The following DGKI variants were observed in gnomAD, a reference collection of about 807,000 sequenced individuals.
DGKI encodes DAG kinase iota.
Under a neutral mutation model 147.5 loss-of-function variants are expected in DGKI, and 55 were observed. The ratio of observed to expected loss-of-function variants is 0.37; its 90% CI spans 0.30 to 0.47. The LOEUF (loss-of-function observed/expected upper bound fraction) is 0.47. DGKI is among the 20% of genes least tolerant of loss of function. The pLI is 1.00. For synonymous variants in DGKI, 469 were observed against 477.1 expected (o/e 0.98, Z 0.22); for missense variants, 1,007 against 1,323.8 (o/e 0.76, Z 3.71).
At chr7:137,820,258 C>G (rs1428247863) in intron 1 of DGKI, among the ~76,000 whole-genome samples, 1 of 152,188 alleles carries the variant, frequency 6.6e-6, no homozygotes, top group Non-Finnish European at 1.5e-5. Flanking sequence ...AATCTCACAG[C>G]AGGAGGCCCC....
At chr7:137,604,934 C>T (rs915559664) in intron 10 of DGKI, among the ~76,000 whole-genome samples, 1 of 152,116 alleles carries the variant, frequency 6.6e-6, no homozygotes, top group Non-Finnish European at 1.5e-5. Flanking sequence ...CTCTAGTACT[C>T]GAAAGTTTCC....
rs749994106 is a variant in DGKI at position 137,381,888 on chromosome 7, T to A, written c.*9332A>T. On this transcript the variant is annotated 3_prime_UTR_variant, in exon 33 of 33. Coordinates refer to ENST00000614521, the MANE Select transcript of DGKI (RefSeq NM_001321708.2). Reference sequence around the variant, plus strand: ...CAAGAATCCAAACTTTCCCAACTTATAATCGGTAAGTCAGGGAGAGCATCA... The same window carrying A: ...CAAGAATCCAAACTTTCCCAACTTAAAATCGGTAAGTCAGGGAGAGCATCA... The A allele has an allele frequency of 6.6e-6, 1 of 152,132 alleles. No homozygotes were observed. 9.4% of individuals were successfully genotyped at this position (152,132 alleles called of 1,614,324 possible). A position where few individuals can be genotyped will look rare whatever the true frequency, so the allele number is the denominator to read the frequency against.
At chr7:137,832,499 CTT>C (rs1342596167) in intron 1 of DGKI, among the ~76,000 whole-genome samples, 1 of 152,242 alleles carries the variant, frequency 6.6e-6, no homozygotes, top group Non-Finnish European at 1.5e-5. Flanking sequence ...ACCTTGGCCC[CTT>C]TTAGCTCTGG....
chr7:137,790,422 C>CAAA (rs1299193886), intron 1 of DGKI, among the ~76,000 whole-genome samples: 1 of 152,146 alleles, frequency 6.6e-6, no homozygotes, highest in African/African-American at 2.4e-5. Flanking sequence ...TATGGAATTT[C>CAAA]AAAAGCCAAA....
chr7:137,830,452 C>T (rs747807283), intron 1 of DGKI, among the ~76,000 whole-genome samples: 6 of 152,170 alleles, frequency 3.9e-5, no homozygotes, highest in Non-Finnish European at 7.3e-5. Context: ...GCATCCCAGA[C>T]TTGAAACCTG....
intron 1 of DGKI, among the ~76,000 whole-genome samples, chr7:137,721,420 T>C (rs1463084459): frequency 6.6e-6 from 1 of 152,150 alleles, no homozygotes; most frequent in African/African-American, 2.4e-5. Context: ...TCAATTTCTG[T>C]ACACCTCCCA....
At chr7:137,754,457 C>A (rs1795617711) in intron 1 of DGKI, among the ~76,000 whole-genome samples, 1 of 152,176 alleles carries the variant, frequency 6.6e-6, no homozygotes. Context: ...GTGACCAGCT[C>A]AGGGTTTCCC....
chr7:137,502,467 T>C (rs1267234735), intron 21 of DGKI, among the ~76,000 whole-genome samples: 1 of 149,024 alleles, frequency 6.7e-6, no homozygotes, highest in Non-Finnish European at 1.5e-5. Flanking sequence ...GATTACATGA[T>C]ATGAAAAAGG....
chr7:137,747,146 C>A (rs1323877919), intron 1 of DGKI, among the ~76,000 whole-genome samples: 3 of 151,952 alleles, frequency 2.0e-5, no homozygotes, highest in Non-Finnish European at 4.4e-5. Context: ...GGGATTAGAT[C>A]ACACCAATTT....
At chr7:137,509,274 C>T (rs1008140665) in intron 21 of DGKI, among the ~76,000 whole-genome samples, 5 of 151,914 alleles carry the variant, frequency 3.3e-5, no homozygotes, top group East Asian at 1.9e-4. Flanking sequence ...GGGAGTAATA[C>T]GGAAGACAAA....
At chr7:137,535,702 T>TTCTA (rs747130122) in intron 20 of DGKI, among the ~76,000 whole-genome samples, 235 of 152,266 alleles carry the variant, frequency 1.5e-3, no homozygotes, top group Non-Finnish European at 2.9e-3. Flanking sequence ...CATAAATAAT[T>TTCTA]CACCTCTAAA....
chr7:137,674,243 G>A (rs1435954751), intron 3 of DGKI, among the ~76,000 whole-genome samples: 2 of 152,192 alleles, frequency 1.3e-5, no homozygotes, highest in African/African-American at 4.8e-5. Flanking sequence ...CCAGAGAGCT[G>A]TAGAACAGGA....
chr7:137,691,528 A>C (rs1270072658), intron 1 of DGKI, among the ~76,000 whole-genome samples: 1 of 152,212 alleles, frequency 6.6e-6, no homozygotes, highest in Non-Finnish European at 1.5e-5. Flanking sequence ...GAGTCCCCAA[A>C]GGAAAAGAAA....
At chr7:137,522,594 G>A (rs1817000917) in intron 20 of DGKI, among the ~76,000 whole-genome samples, 1 of 152,096 alleles carries the variant, frequency 6.6e-6, no homozygotes, top group African/African-American at 2.4e-5. Context: ...TCTTTAGGAA[G>A]AGAATGAAGT....
intron 20 of DGKI, among the ~76,000 whole-genome samples, chr7:137,544,754 A>C (rs889503667): frequency 2.0e-5 from 3 of 152,148 alleles, no homozygotes; most frequent in Admixed American, 6.5e-5. Flanking sequence ...ATCTGTGAAC[A>C]TGGCTGGGAA....
chr7:137,597,938 A>G (rs1386261706), intron 11 of DGKI, 31 bp from the exon 12 acceptor site: 1 of 1,600,716 alleles, frequency 6.2e-7, no homozygotes, highest in South Asian at 1.1e-5. Context: ...AAAGTAAACA[A>G]AAGAACATTT....
chr7:137,472,321 T>TGTATATACATATAATA (rs1563040083), intron 23 of DGKI, among the ~76,000 whole-genome samples: 739 of 3,622 alleles, frequency 0.2, 128 homozygotes, highest in African/African-American at 0.45. Context: ...TACATATAAT[T>TGTATATACATATAATA]ATTATATGTA....
At chr7:137,833,448 T>C (rs984550396) in intron 1 of DGKI, among the ~76,000 whole-genome samples, 2 of 152,150 alleles carry the variant, frequency 1.3e-5, no homozygotes, top group African/African-American at 4.8e-5. Context: ...ACTTATTCAC[T>C]ATCATGAGAT....
At chr7:137,769,724 G>A (rs913355810) in intron 1 of DGKI, among the ~76,000 whole-genome samples, 1 of 152,168 alleles carries the variant, frequency 6.6e-6, no homozygotes, top group Non-Finnish European at 1.5e-5. Flanking sequence ...ATGAAAAATA[G>A]CTCATCATCA....
Sources: gnomAD v4.1 joint callset for allele counts (sites outside exome capture counted in the v4.1 genomes callset) on GRCh38, gnomAD v4.1.1 for gene constraint, MANE v1.5 for transcripts, NCBI Gene and HGNC (gene_info 2026-07-23, HGNC 2026-07-21) for gene names.